The following EPPK1 variants were observed in gnomAD, a reference collection of about 807,000 sequenced individuals.
The protein encoded by EPPK1 is epiplakin 1.
For missense variants in EPPK1, 3,823 were observed against 3,673.3 expected, an observed-to-expected ratio of 1.04 and a Z score of -1.05; for synonymous variants, 1,862 against 1,721.2, an observed-to-expected ratio of 1.08 and a Z score of -2.03.
rs782549936 is a variant in EPPK1, at chr8:143,870,757, C to A, written c.2497G>T (p.Ala833Ser). The A allele has an allele frequency of 7.4e-6, 12 of 1,612,458 alleles. No individual in the cohort carries two copies. The change falls in exon 2 of 2, where the codon GCG (alanine) becomes TCG (serine). Residue 833 changes from alanine to serine, a missense_variant. Coordinates refer to ENST00000615648, the MANE Select transcript of EPPK1 (RefSeq NM_031308.4). The surrounding 1 kb of genome is among the most constrained non-coding windows in gnomAD (Gnocchi z 5.2). ...TACTCAGAGTTGATCAGCTCCCACG[C>A]GGAGACCCTCTGCCCCTGAAACCGT... is the stretch of plus-strand genomic sequence containing the variant. Reference protein sequence around the residue: ...YGRFQGQRVSAWELINSEYFS... With the variant: ...YGRFQGQRVSSWELINSEYFS...
Position 143,872,050 on chromosome 8 carries a change from C to G in EPPK1, c.1204G>C (p.Gly402Arg). Residue 402 changes from glycine (G) to arginine (R), a missense_variant, in exon 2 of 2, where the codon GGC becomes CGC. Coordinates refer to ENST00000615648, the MANE Select transcript of EPPK1 (RefSeq NM_031308.4). ...LRLLDAQLATGGLVCPARRLR... is the reference protein window; with the variant it reads ...LRLLDAQLATRGLVCPARRLR... ...CTGCGTGCTGGACAGACCAGCCCGCCTGTGGCCAGCTGGGCATCCAAGAGC... is the reference window on the plus strand; with the variant it reads ...CTGCGTGCTGGACAGACCAGCCCGCGTGTGGCCAGCTGGGCATCCAAGAGC... 1 of 1,560,072 alleles carries G rather than the reference C, an allele frequency of 6.4e-7. No homozygotes were observed. Among genetic ancestry groups the G allele is most frequent in the South Asian group, 1.2e-5 (1 of 85,846 alleles).
Position 143,868,779 on chromosome 8 carries a change from G to A in EPPK1, c.4475C>T (p.Ser1492Phe). ...CTGCCGCAGGGCCGCAGCCCTCCCAGACCGACAGAGTGCCACCAGCTCCCG... is the reference window on the plus strand; with the variant it reads ...CTGCCGCAGGGCCGCAGCCCTCCCAAACCGACAGAGTGCCACCAGCTCCCG... ...KRRELVALCRSGRAAALRQVV... is the reference protein window; with the variant it reads ...KRRELVALCRFGRAAALRQVV... The change falls in exon 2 of 2, where the codon TCT becomes TTT. Residue 1492 changes from serine (S) to phenylalanine (F), a missense_variant. Physicochemically the swap from Ser to Phe is radical, Grantham distance 155. Coordinates refer to ENST00000615648, the MANE Select transcript of EPPK1 (RefSeq NM_031308.4). 1 of 1,598,484 alleles carries A rather than the reference G, an allele frequency of 6.3e-7. No individual in the cohort carries two copies. Among genetic ancestry groups the A allele is most frequent in the Non-Finnish European group, 8.5e-7 (1 of 1,177,448 alleles).
rs368940625 is a variant in EPPK1, at chr8:143,869,031, G to C, written c.4223C>G (p.Ala1408Gly). The change falls in exon 2 of 2, where the codon GCG becomes GGG. Residue 1408 changes from alanine (A) to glycine (G), a missense_variant. Physicochemically the swap from Ala to Gly is moderately conservative, Grantham distance 60. Transcript: ENST00000615648. ...KDNKFFFDPS[A>G]RDQVTYQQLR... ...CTGCTGGTAGGTCACCTGGTCCCGC[G>C]CACTGGGGTCAAAGAAGAACTTGTT... 1.9e-6 allele frequency: 3 copies of C among 1,609,992 alleles called. No homozygotes were observed. Among genetic ancestry groups the C allele is most frequent in the East Asian group, 4.5e-5 (2 of 44,880 alleles).
chr8:143,871,349 G>C lies in EPPK1; in HGVS notation c.1905C>G (p.Leu635=). 6.2e-7 allele frequency: 1 copy of C among 1,610,426 alleles called. No homozygotes were observed. The highest frequency in any genetic ancestry group is 1.1e-5 in the South Asian group (1 of 90,638). Reference sequence around the variant, plus strand: ...GAAGGATGAGGGCAGTGCCGGGCCGGAGGAGCCCCTTGCATCGGGCCTCAT... The same window carrying C: ...GAAGGATGAGGGCAGTGCCGGGCCGCAGGAGCCCCTTGCATCGGGCCTCAT... ...SIYEARCKGL[L]RPGTALILLE... is the part of the protein sequence containing the mutation. The change falls in exon 2 of 2, where the codon CTC becomes CTG. Residue 635 remains leucine (L), a synonymous_variant. Transcript: ENST00000615648.
rs1819154618 is a variant in EPPK1, at chr8:143,867,196, G to C, written c.6058C>G (p.Gln2020Glu). The C allele has an allele frequency of 6.2e-7, 1 of 1,612,740 alleles. No homozygotes were observed. Among genetic ancestry groups the C allele is most frequent in the Non-Finnish European group, 8.5e-7 (1 of 1,179,804 alleles). ...QVATGGVIDP[Q>E]HHHRLPLETA... is the part of the protein sequence containing the mutation. ...TCCAGTGGGAGCCGGTGGTGGTGCT[G>C]TGGGTCGATGACACCCCCCGTGGCC... The change falls in exon 2 of 2, where the codon CAG becomes GAG. Residue 2020 changes from glutamine (Q) to glutamate (E), a missense_variant. Transcript: ENST00000615648.
Position 143,867,381 on chromosome 8 carries a change from CCCACATCCACAG to C in EPPK1, c.5861_5872del (p.Ala1954_Val1957del). 6.2e-7 allele frequency: 1 copy of C among 1,612,918 alleles called. No individual in the cohort carries two copies. The highest frequency in any genetic ancestry group is 8.5e-7 in the Non-Finnish European group (1 of 1,179,870). On this transcript the variant is annotated inframe_deletion, in exon 2 of 2. Coordinates refer to ENST00000615648, the MANE Select transcript of EPPK1 (RefSeq NM_031308.4). ...CTCCCGCAGCTCCTCGTTCACCAGG[CCCACATCCACAG>C]CCTCATCCACAGAGAGCTTCTGGCG...
chr8:143,878,262 T>G (rs1164487849), intron 1 of EPPK1, among the ~76,000 whole-genome samples, 176 bp downstream of exon 1: 6 of 150,186 alleles, frequency 4.0e-5, no homozygotes, highest in Non-Finnish European at 8.9e-5. Context: ...AAGACCCCGC[T>G]GGCCGCCGCG....
At chr8:143,873,444 T>G (rs1819421835) in intron 1 of EPPK1, 146 bp from the exon 2 acceptor site, 1 of 550,150 alleles carries the variant, frequency 1.8e-6, no homozygotes, top group East Asian at 3.4e-5. Context: ...GAGCTGAGTC[T>G]GCCCAGGAGC....
At position 143,872,702 on chromosome 8, in the gene EPPK1, T is replaced by C. The variant is rs782197081; in HGVS notation, c.552A>G (p.Thr184=). 2.1e-5 allele frequency: 34 copies of C among 1,600,930 alleles called. No homozygotes were observed. The highest frequency in any genetic ancestry group is 2.8e-5 in the Non-Finnish European group (33 of 1,173,358). Residue 184 remains threonine, a synonymous_variant, in exon 2 of 2, where the codon ACA becomes ACG. Transcript: ENST00000615648. ...ACHQGLLDRE[T]WHKLSELEPG... ...GCTCAAGCTCTGACAGCTTGTGCCA[T>C]GTCTCCCGGTCCAGGAGGCCCTGGT...
In EPPK1 at chr8:143,867,624, C is replaced by G. The variant is rs782779716; in HGVS notation, c.5630G>C (p.Arg1877Thr). Residue 1877 changes from arginine (R) to threonine (T), a missense_variant, in exon 2 of 2, where the codon AGG (arginine) becomes ACG (threonine). Arg to Thr is a moderately conservative substitution (Grantham distance 71, BLOSUM62 -1). Coordinates refer to ENST00000615648, the MANE Select transcript of EPPK1 (RefSeq NM_031308.4). ...CGTGCTGAGTGCCTGTCCCCCAGTCCTCCCCACACGAAGTGTGTGCAGGGT... is the reference window on the plus strand; with the variant it reads ...CGTGCTGAGTGCCTGTCCCCCAGTCGTCCCCACACGAAGTGTGTGCAGGGT... ...QKTLHTLRVG[R>T]TGGQALSTLE... The G allele has an allele frequency of 5.6e-6, 9 of 1,613,330 alleles. No individual in the cohort carries two copies. Among genetic ancestry groups the G allele is most frequent in the South Asian group, 3.3e-5 (3 of 91,086 alleles).
chr8:143,866,718 C>G lies in EPPK1; in HGVS notation c.6536G>C (p.Arg2179Pro), dbSNP rs782661293. The G allele has an allele frequency of 3.1e-6, 5 of 1,613,420 alleles. No homozygotes were observed. The highest frequency in any genetic ancestry group is 4.2e-6 in the Non-Finnish European group (5 of 1,179,880). Residue 2179 changes from arginine to proline, a missense_variant, in exon 2 of 2, where the codon CGA (arginine) becomes CCA (proline). By Grantham distance (103) the Arg-to-Pro change is moderately radical. Coordinates refer to ENST00000615648, the MANE Select transcript of EPPK1 (RefSeq NM_031308.4). ...NKHLWFQGIR[R>P]QITASELLSS... ...GAGGAGTTCAGAAGCTGTGATCTGT[C>G]GTCTAATTCCTTGGAACCACAGGTG...
chr8:143,869,329 C>A lies in EPPK1; in HGVS notation c.3925G>T (p.Val1309Leu). 1 of 1,607,268 alleles carries A rather than the reference C, an allele frequency of 6.2e-7. No individual in the cohort carries two copies. Among genetic ancestry groups the A allele is most frequent in the Non-Finnish European group, 8.5e-7 (1 of 1,176,808 alleles). The change falls in exon 2 of 2, where the codon GTG becomes TTG. Residue 1309 changes from valine to leucine, a missense_variant. By Grantham distance (32) the Val-to-Leu change is conservative. Transcript: ENST00000615648. ...SVEDAVKVGL[V>L]GRELSEQLGQ... Reference sequence around the variant, plus strand: ...AGCTGCTCACTCAGCTCCCTGCCCACCAGGCCGACCTTAACCGCGTCCTCC... The same window carrying A: ...AGCTGCTCACTCAGCTCCCTGCCCAACAGGCCGACCTTAACCGCGTCCTCC...
upstream of EPPK1, among the ~76,000 whole-genome samples, chr8:143,879,152 G>A (rs900903193): frequency 2.6e-5 from 4 of 152,196 alleles, no homozygotes; most frequent in African/African-American, 9.6e-5. Flanking sequence ...GGCTGGCCTG[G>A]GGGCAGCCTC....
rs375118468 is a variant in EPPK1, at chr8:143,868,315, G to C, written c.4939C>G (p.Arg1647Gly). The change falls in exon 2 of 2, where the codon CGC becomes GGC. Residue 1647 changes from arginine (R) to glycine (G), a missense_variant. By Grantham distance (125) the Arg-to-Gly change is moderately radical. Transcript: ENST00000615648. ...GGGTCGGTGTAGCCGGTGACGGCGCGCTCGGCCGACAGCAGCTTCACGTAG... is the reference window on the plus strand; with the variant it reads ...GGGTCGGTGTAGCCGGTGACGGCGCCCTCGGCCGACAGCAGCTTCACGTAG... ...ETYVKLLSAE[R>G]AVTGYTDPYT... 2.5e-6 allele frequency: 4 copies of C among 1,613,004 alleles called. No individual in the cohort carries two copies. In the African/African-American group the frequency reaches 5.3e-5, roughly 22 times the overall value.
In EPPK1 at chr8:143,857,835, T is replaced by C. The variant is rs1563873396; in HGVS notation, c.*152A>G. 1 of 599,626 alleles carries C rather than the reference T, an allele frequency of 1.7e-6. No homozygotes were observed. Among genetic ancestry groups the C allele is most frequent in the South Asian group, 3.1e-5 (1 of 32,102 alleles). 37.1% of individuals were successfully genotyped at this position (599,626 alleles called of 1,614,324 possible). On this transcript the variant is annotated 3_prime_UTR_variant, in exon 2 of 2. Transcript: ENST00000615648. ...GGACAAAGGAAAAGTTTCTGTCACA[T>C]GACAACTTAAAACGTTTTCCACAGA... is the stretch of plus-strand genomic sequence containing the variant.
chr8:143,877,953 A>G (rs1298367700), intron 1 of EPPK1, among the ~76,000 whole-genome samples: 2 of 152,040 alleles, frequency 1.3e-5, no homozygotes, highest in Admixed American at 6.5e-5. Context: ...ACCCAACAGC[A>G]GGCAGCTTCC....
chr8:143,877,539 G>A (rs1381132833), intron 1 of EPPK1, among the ~76,000 whole-genome samples: 1 of 152,174 alleles, frequency 6.6e-6, no homozygotes, highest in Non-Finnish European at 1.5e-5. Context: ...CCTGAGGAGG[G>A]TGGGTCTGCA....
Position 143,865,977 on chromosome 8 carries a change from TGGTGCAC to T in EPPK1, c.7270_7276del (p.Val2424SerfsTer2). ...GGCACAGCGCAGCTCCTCGCTCAGCTGGTGCACGGCGGAGCCCCGGCCTGCCAGCTGC... is the reference window on the plus strand; with the variant it reads ...GGCACAGCGCAGCTCCTCGCTCAGCTGGCGGAGCCCCGGCCTGCCAGCTGC... On this transcript the variant is annotated frameshift_variant, in exon 2 of 2. Transcript: ENST00000615648. LOFTEE classifies it low-confidence loss of function (END_TRUNC). The T allele has an allele frequency of 7.6e-6, 1 of 131,770 alleles. No homozygotes were observed. The highest frequency in any genetic ancestry group is 1.2e-5 in the Non-Finnish European group (1 of 81,012). 8.2% of individuals were successfully genotyped at this position (131,770 alleles called of 1,614,324 possible). A position where few individuals can be genotyped will look rare whatever the true frequency, so the allele number is the denominator to read the frequency against.
Position 143,869,198 on chromosome 8 carries a change from G to A in EPPK1, c.4056C>T (p.Gly1352=). The A allele has an allele frequency of 1.2e-6, 2 of 1,609,762 alleles. No individual in the cohort carries two copies. The highest frequency in any genetic ancestry group is 8.5e-7 in the Non-Finnish European group (1 of 1,179,696). The part of the protein sequence containing the change: ...MEKGLVPQNE[G]LPLLQVQLAT... The stretch of plus-strand genomic sequence containing the variant: ...CCAGCTGCACCTGCAGGAGGGGCAA[G>A]CCCTCGTTCTGTGGCACGAGCCCCT... Residue 1352 remains glycine (G), a synonymous_variant, in exon 2 of 2, where the codon GGC becomes GGT. Coordinates refer to ENST00000615648, the MANE Select transcript of EPPK1 (RefSeq NM_031308.4).
Sources: allele counts gnomAD v4.1 joint callset (sites outside exome capture counted in the v4.1 genomes callset), GRCh38; gene constraint gnomAD v4.1.1; non-coding constraint Gnocchi (gnomAD v3.1); transcripts MANE v1.5; gene names NCBI Gene and HGNC (gene_info 2026-07-23, HGNC 2026-07-21).